RHOH: variants seen among roughly 807,000 people sequenced by gnomAD.
The protein encoded by RHOH is ras homolog family member H, also known as rho-related GTP-binding protein RhoH.
A neutral mutation model predicts 13.8 loss-of-function variants in RHOH; 6 were observed. The ratio of observed to expected loss-of-function variants is 0.44; its 90% CI spans 0.24 to 0.86. The LOEUF (loss-of-function observed/expected upper bound fraction) is 0.86, where lower values mean the gene tolerates loss of function less well. Among genes scored for constraint, RHOH ranks in the 40% least tolerant of loss-of-function variants. The probability of loss-of-function intolerance (pLI) is 0.24; values close to 1 mark genes in which losing one functional copy is unlikely to be tolerated. For synonymous variants in RHOH, 117 were observed against 103.0 expected, an observed-to-expected ratio of 1.14 and a Z score of -0.82; for missense variants, 147 against 244.5, an observed-to-expected ratio of 0.60 and a Z score of 2.66.
intron 1 of RHOH, chr4:40,235,449 C>T (rs888541450): frequency 2.3e-5 from 3 of 131,742 alleles, no homozygotes; most frequent in Non-Finnish European, 4.9e-5. Context: ...ATTAGCTGGG[C>T]TTGGTGGCAT....
intron 1 of RHOH, among the ~76,000 whole-genome samples, chr4:40,227,015 C>T (rs150993294): frequency 6.6e-6 from 1 of 151,822 alleles, no homozygotes; most frequent in African/African-American, 2.4e-5. Flanking sequence ...AAAAATTATC[C>T]GGGTGTGGTG....
upstream of RHOH, among the ~76,000 whole-genome samples, chr4:40,196,728 T>C (rs891053028): frequency 7.1e-6 from 1 of 140,414 alleles, no homozygotes; most frequent in African/African-American, 2.7e-5. Flanking sequence ...TTTACTTCCA[T>C]GAGGAATCAT....
At chr4:40,208,963 T>G (rs1359282700) in intron 1 of RHOH, among the ~76,000 whole-genome samples, 1 of 152,124 alleles carries the variant, frequency 6.6e-6, no homozygotes, top group Non-Finnish European at 1.5e-5. Context: ...AGAAATTATC[T>G]AGTGTGTGAT....
At chr4:40,193,608 C>G (rs934419468), upstream of RHOH, 2 of 152,080 alleles carry the variant, frequency 1.3e-5, no homozygotes, top group Non-Finnish European at 2.9e-5. Context: ...AGATGGCAAC[C>G]CCCTGTCCCC....
chr4:40,211,133 G>T (rs1328143071), intron 1 of RHOH, among the ~76,000 whole-genome samples: 1 of 152,104 alleles, frequency 6.6e-6, no homozygotes, highest in African/African-American at 2.4e-5. Context: ...CTTAAAAGTG[G>T]GAACTGTGTC....
rs1283313186 is a variant in RHOH at position 40,218,690 on chromosome 4, A to G, written c.-331+21390A>G. Among the ~76,000 whole-genome samples the G allele has an allele frequency of 6.6e-6, 1 of 152,204 alleles. No homozygotes were observed. The highest frequency in any genetic ancestry group is 1.5e-5 in the Non-Finnish European group (1 of 68,044). ...GCTCTCAAGGCAGCATGTGATATTG[A>G]TGGTTCACAGAAACATGAACTACCA... On this transcript the variant is annotated intron_variant, in intron 1 of 2. Coordinates refer to ENST00000381799, the MANE Select transcript of RHOH (RefSeq NM_004310.5). This position sits in a 1 kb window ranked among gnomAD's most constrained non-coding sequence, Gnocchi z 4.1.
chr4:40,240,287 C>T (rs1729087247), intron 1 of RHOH: 2 of 150,976 alleles, frequency 1.3e-5, no homozygotes, highest in Admixed American at 1.3e-4. Context: ...GGACCAGCCT[C>T]AGCAACATAG....
Position 40,210,089 on chromosome 4 carries a change from CGT to C in RHOH, c.-331+12822_-331+12823del, listed in dbSNP as rs5857717. ...GTAATATTCCTGATTACATTGTGTG[CGT>C]GTGTGTGTGTGTGTGTGTGTGTGTG... is the stretch of plus-strand genomic sequence containing the variant. On this transcript the variant is annotated intron_variant, in intron 1 of 2. Transcript: ENST00000381799. Among the ~76,000 whole-genome samples the C allele has an allele frequency of 6.2e-3, 907 of 145,424 alleles. 3 individuals carry two copies. The highest frequency in any genetic ancestry group is 0.032 in the Middle Eastern group (9 of 280).
chr4:40,222,555 T>C, intron 1 of RHOH, among the ~76,000 whole-genome samples: 1 of 152,208 alleles, frequency 6.6e-6, no homozygotes, highest in East Asian at 1.9e-4. Flanking sequence ...ACTGAATAAT[T>C]TAAGCCCACT....
chr4:40,211,338 T>A (rs187244546), intron 1 of RHOH, among the ~76,000 whole-genome samples: 1 of 152,294 alleles, frequency 6.6e-6, no homozygotes, highest in East Asian at 1.9e-4. Flanking sequence ...CAATCTCAGC[T>A]CACTGCAACC....
At chr4:40,225,297 G>A (rs1305191579) in intron 1 of RHOH, among the ~76,000 whole-genome samples, 1 of 151,916 alleles carries the variant, frequency 6.6e-6, no homozygotes, top group African/African-American at 2.4e-5. Context: ...TGTTTCCCAG[G>A]CTGGTCTCAA....
upstream of RHOH, among the ~76,000 whole-genome samples, chr4:40,195,358 C>T (rs988758465): frequency 5.2e-4 from 17 of 32,926 alleles, no homozygotes; most frequent in African/African-American, 1.9e-3. Flanking sequence ...CTTTCTTTTC[C>T]TTCCTTCCTT....
chr4:40,212,640 T>C (rs929631568), intron 1 of RHOH: 8 of 152,032 alleles, frequency 5.3e-5, no homozygotes, highest in African/African-American at 1.9e-4. Flanking sequence ...ATGCTAATGG[T>C]AAAAAAAAGT....
chr4:40,210,089 C>CGTGTGTGT (rs5857717), intron 1 of RHOH, among the ~76,000 whole-genome samples: 5,345 of 145,516 alleles, frequency 0.037, 147 homozygotes, highest in African/African-American at 0.059. Flanking sequence ...ACATTGTGTG[C>CGTGTGTGT]GTGTGTGTGT....
chr4:40,204,828 A>G (rs1724449925), intron 1 of RHOH, among the ~76,000 whole-genome samples: 1 of 152,226 alleles, frequency 6.6e-6, no homozygotes, highest in Non-Finnish European at 1.5e-5. Flanking sequence ...CCCTTCAGAT[A>G]ACATATGATT....
chr4:40,230,716 C>T (rs1215834352), intron 1 of RHOH, among the ~76,000 whole-genome samples: 4 of 151,990 alleles, frequency 2.6e-5, no homozygotes, highest in Non-Finnish European at 5.9e-5. Context: ...TGGCTTGGGG[C>T]TGAGGATAGC....
rs758385679 is a variant in RHOH at position 40,243,055 on chromosome 4, G to A, written c.-209-123G>A. The A allele has an allele frequency of 7.8e-6, 2 of 255,192 alleles. No homozygotes were observed. Among genetic ancestry groups the A allele is most frequent in the Non-Finnish European group, 1.5e-5 (2 of 132,518 alleles). 15.8% of individuals were successfully genotyped at this position (255,192 alleles called of 1,614,324 possible). ...GGGAAGAGTGGATTGCACAAGCGGG[G>A]TTGGATGGCTACACTGAGATTACCC... is the stretch of plus-strand genomic sequence containing the variant. On this transcript the variant is annotated intron_variant, in intron 2 of 2. Transcript: ENST00000381799. This position sits in a 1 kb window ranked among gnomAD's most constrained non-coding sequence, Gnocchi z 6.2.
chr4:40,196,485 C>T (rs1041545200), upstream of RHOH, among the ~76,000 whole-genome samples: 1 of 152,208 alleles, frequency 6.6e-6, no homozygotes, highest in African/African-American at 2.4e-5. Flanking sequence ...AGCCCAGGTG[C>T]TCGTCCATAC....
chr4:40,246,927 CATTAA>C lies in RHOH; in HGVS notation c.*2968_*2972del, dbSNP rs1215472194. ...GATTCTTAACTATTCCAAGTAGCAG[CATTAA>C]ATATGTTCTTGATGACATTAAAGAG... On this transcript the variant is annotated 3_prime_UTR_variant, in exon 3 of 3. Transcript: ENST00000381799. The C allele has an allele frequency of 1.3e-5, 2 of 152,196 alleles. No individual in the cohort carries two copies. The highest frequency in any genetic ancestry group is 4.8e-5 in the African/African-American group (2 of 41,444). 9.4% of individuals were successfully genotyped at this position (152,196 alleles called of 1,614,324 possible). A position where few individuals can be genotyped will look rare whatever the true frequency, so the allele number is the denominator to read the frequency against.
Sources: gnomAD v4.1 joint callset for allele counts (sites outside exome capture counted in the v4.1 genomes callset) on GRCh38, gnomAD v4.1.1 for gene constraint, Gnocchi (gnomAD v3.1) non-coding constraint, MANE v1.5 for transcripts, NCBI Gene and HGNC (gene_info 2026-07-23, HGNC 2026-07-21) for gene names.